Variants in MYH10 observed in about 807,000 individuals in gnomAD.
MYH10 encodes the protein myosin heavy chain 10.
In MYH10, 55 loss-of-function variants were observed where a neutral mutation model predicts 257.8. The ratio of observed to expected loss-of-function variants is 0.21; its 90% CI spans 0.17 to 0.27. MYH10 has a LOEUF of 0.27. Among genes scored for constraint, MYH10 ranks in the 10% least tolerant of loss-of-function variants. The pLI is 1.00. For missense variants in MYH10, 1,631 were observed against 2,500.6 expected, an observed-to-expected ratio of 0.65 and a Z score of 7.42; for synonymous variants, 854 against 921.7, an observed-to-expected ratio of 0.93 and a Z score of 1.33.
At chr17:8,548,552 G>A in intron 10 of MYH10, 92 bp downstream of exon 10, 3 of 1,492,420 alleles carry the variant, frequency 2.0e-6, no homozygotes, top group Non-Finnish European at 2.7e-6. Flanking sequence ...CAATTCATTA[G>A]TTTCCCAGTC....
intron 2 of MYH10, among the ~76,000 whole-genome samples, chr17:8,608,357 C>G (rs1218944178): frequency 6.6e-6 from 1 of 152,186 alleles, no homozygotes; most frequent in African/African-American, 2.4e-5. Context: ...CAACACAAAA[C>G]AGAGAAGGCC....
At position 8,477,135 on chromosome 17, in the gene MYH10, TCTGC is replaced by T; in HGVS notation, c.5707-91_5707-88del. ...TACCCCGAGCGTGGCAGTGTGGGGC[TCTGC>T]CTGTTACCCTTGTGAGCACGCGTGT... is the stretch of plus-strand genomic sequence containing the variant. On this transcript the variant is annotated intron_variant, in intron 41 of 42. Transcript: ENST00000360416. This position sits in a 1 kb window ranked among gnomAD's most constrained non-coding sequence, Gnocchi z 4.2. 2 of 1,468,420 alleles carry T rather than the reference TCTGC, an allele frequency of 1.4e-6. No homozygotes were observed. Among genetic ancestry groups the T allele is most frequent in the East Asian group, 2.3e-5 (1 of 44,002 alleles). 91.0% of individuals were successfully genotyped at this position (1,468,420 alleles called of 1,614,324 possible). A position where few individuals can be genotyped will look rare whatever the true frequency, so the allele number is the denominator to read the frequency against.
At chr17:8,479,017 C>A (rs1913204382) in intron 40 of MYH10, among the ~76,000 whole-genome samples, 1 of 152,208 alleles carries the variant, frequency 6.6e-6, no homozygotes, top group Non-Finnish European at 1.5e-5. Flanking sequence ...CAGCCGTGAG[C>A]CAGCGCACCC....
chr17:8,476,281 T>A (rs758139414), intron 42 of MYH10, among the ~76,000 whole-genome samples: 1 of 152,256 alleles, frequency 6.6e-6, no homozygotes, highest in Non-Finnish European at 1.5e-5. Context: ...GTGGGCCACA[T>A]AGGGACTCTG....
Position 8,490,127 on chromosome 17 carries a change from G to T in MYH10, c.4884+213C>A. On this transcript the variant is annotated intron_variant, in intron 35 of 42. Coordinates refer to ENST00000360416, the MANE Select transcript of MYH10 (RefSeq NM_001256012.3). This position sits in a 1 kb window ranked among gnomAD's most constrained non-coding sequence, Gnocchi z 4.1. ...TGACTGATAAGTGTCTGGCTTGTAG[G>T]CAGGAATGATACTGAGAAATAGTAA... is the stretch of plus-strand genomic sequence containing the variant. The T allele has an allele frequency of 2.0e-6, 1 of 491,364 alleles. No homozygotes were observed. The highest frequency in any genetic ancestry group is 3.7e-6 in the Non-Finnish European group (1 of 273,642). The allele number at this position is 491,364 out of a possible 1,614,324, so 30.4% of individuals were successfully genotyped here. A position where few individuals can be genotyped will look rare whatever the true frequency, so the allele number is the denominator to read the frequency against.
intron 2 of MYH10, among the ~76,000 whole-genome samples, chr17:8,606,053 T>C (rs1035156757): frequency 2.6e-5 from 4 of 152,174 alleles, no homozygotes; most frequent in African/African-American, 9.7e-5. Flanking sequence ...AATGAATTAA[T>C]AAAGATTTAA....
intron 7 of MYH10, chr17:8,560,852 T>TAA (rs2082967341): frequency 3.5e-6 from 2 of 563,898 alleles, no homozygotes; most frequent in Admixed American, 3.9e-5. Context: ...AAGCACAAGG[T>TAA]CTTTGGCAAA....
rs1284939564 is a variant in MYH10 at position 8,623,286 on chromosome 17, AGAG to A, written c.-31-12_-31-10del. ...TCCAAAAGCAATTGCCTCTAAGAGA[AGAG>A]GAGGAGGGCAAAATTAGATGTTTAA... On this transcript the variant is annotated splice_polypyrimidine_tract_variant and intron_variant, in intron 1 of 42. Coordinates refer to ENST00000360416, the MANE Select transcript of MYH10 (RefSeq NM_001256012.3). 3.2e-6 allele frequency: 5 copies of A among 1,542,502 alleles called. No homozygotes were observed.
intron 4 of MYH10, among the ~76,000 whole-genome samples, chr17:8,583,171 A>G (rs145319289): frequency 9.8e-5 from 15 of 152,338 alleles, no homozygotes; most frequent in African/African-American, 3.1e-4. Context: ...TAACAGAGGT[A>G]TTGCAAAGAT....
chr17:8,542,944 C>A (rs542317567), intron 13 of MYH10, among the ~76,000 whole-genome samples: 1 of 152,262 alleles, frequency 6.6e-6, no homozygotes, highest in African/African-American at 2.4e-5. Context: ...TATTGGACTG[C>A]CCTCATAAAG....
chr17:8,569,593 A>G lies in MYH10; in HGVS notation c.756+127T>C, dbSNP rs2083274291. 6.9e-6 allele frequency: 4 copies of G among 579,264 alleles called. No individual in the cohort carries two copies. Among genetic ancestry groups the G allele is most frequent in the Non-Finnish European group, 1.1e-5 (4 of 357,994 alleles). The allele number at this position is 579,264 out of a possible 1,614,324, so 35.9% of individuals were successfully genotyped here. A position where few individuals can be genotyped will look rare whatever the true frequency, so the allele number is the denominator to read the frequency against. ...TTAAAATTACATGTGAGCTTGTATTATGTCTACAGAACTACATCTATTAGC... is the reference window on the plus strand; with the variant it reads ...TTAAAATTACATGTGAGCTTGTATTGTGTCTACAGAACTACATCTATTAGC... On this transcript the variant is annotated intron_variant, in intron 7 of 42. Coordinates refer to ENST00000360416, the MANE Select transcript of MYH10 (RefSeq NM_001256012.3). This position sits in a 1 kb window ranked among gnomAD's most constrained non-coding sequence, Gnocchi z 4.1.
chr17:8,501,214 G>C (rs1240893849), intron 28 of MYH10, among the ~76,000 whole-genome samples: 1 of 152,078 alleles, frequency 6.6e-6, no homozygotes, highest in Non-Finnish European at 1.5e-5. Context: ...GATCGCTTGA[G>C]CCTGGGAGGT....
At chr17:8,581,657 T>C (rs1444293145) in intron 4 of MYH10, among the ~76,000 whole-genome samples, 2 of 152,228 alleles carry the variant, frequency 1.3e-5, no homozygotes, top group Non-Finnish European at 2.9e-5. Flanking sequence ...ATGGGTCTTA[T>C]ATTGCCCACT....
At chr17:8,482,287 C>T (rs893568507) in intron 37 of MYH10, among the ~76,000 whole-genome samples, 6 of 152,198 alleles carry the variant, frequency 3.9e-5, no homozygotes, top group African/African-American at 1.4e-4. Context: ...AAGAGCACAC[C>T]TTGAAGGTGT....
Position 8,500,975 on chromosome 17 carries a change from A to G in MYH10, c.3600-5T>C. ...ACTTCTTGTTCACGTTTTGTACTAG[A>G]GAAGGACATTTTTTAAGAGAGATCA... On this transcript the variant is annotated splice_region_variant and splice_polypyrimidine_tract_variant and intron_variant, in intron 28 of 42. Transcript: ENST00000360416. 1 of 1,610,646 alleles carries G rather than the reference A, an allele frequency of 6.2e-7. No individual in the cohort carries two copies. Among genetic ancestry groups the G allele is most frequent in the South Asian group, 1.1e-5 (1 of 90,318 alleles).
intron 24 of MYH10, chr17:8,511,149 T>C (rs2081281315): frequency 6.6e-6 from 1 of 151,102 alleles, no homozygotes; most frequent in African/African-American, 2.4e-5. Flanking sequence ...TTTTAGAATT[T>C]GTCTAGCAGG....
At chr17:8,575,434 G>A (rs1284921393) in intron 6 of MYH10, among the ~76,000 whole-genome samples, 2 of 152,226 alleles carry the variant, frequency 1.3e-5, no homozygotes, top group East Asian at 1.9e-4. Flanking sequence ...TTCTTTAATT[G>A]GCAAAGAAGC....
At chr17:8,611,391 C>T (rs1226777738) in intron 2 of MYH10, among the ~76,000 whole-genome samples, 1 of 152,166 alleles carries the variant, frequency 6.6e-6, no homozygotes, top group Non-Finnish European at 1.5e-5. Context: ...TATGAGGCAA[C>T]AAGTTGTGGC....
At chr17:8,486,889 T>G (rs984877808) in intron 36 of MYH10, among the ~76,000 whole-genome samples, 8 of 152,204 alleles carry the variant, frequency 5.3e-5, no homozygotes, top group African/African-American at 9.6e-5. Flanking sequence ...CTTTATATTT[T>G]GTTAAATTTT....
Sources: allele counts gnomAD v4.1 joint callset (sites outside exome capture counted in the v4.1 genomes callset), GRCh38; gene constraint gnomAD v4.1.1; non-coding constraint Gnocchi (gnomAD v3.1); transcripts MANE v1.5; gene names NCBI Gene and HGNC (gene_info 2026-07-23, HGNC 2026-07-21).